The following AGAP1 variants were observed in gnomAD, a reference collection of about 807,000 sequenced individuals.
AGAP1 encodes ArfGAP with GTPase domain, ankyrin repeat and PH domain 1, also known as arf-GAP with GTPase, ANK repeat and PH domain-containing protein 1.
A neutral mutation model predicts 105.3 loss-of-function variants in AGAP1; 29 were observed. The observed-to-expected ratio is 0.28, with a 90% CI of 0.21 to 0.38. AGAP1 has a LOEUF of 0.38. AGAP1 is among the 10% of genes least tolerant of loss of function. The pLI, the probability that AGAP1 is intolerant of heterozygous loss-of-function variation, is 1.00. For missense variants in AGAP1, 998 were observed against 1,165.1 expected (o/e 0.86, Z 2.09); for synonymous variants, 509 against 485.9 (o/e 1.05, Z -0.63).
At chr2:235,798,775 G>A (rs542852508) in intron 7 of AGAP1, among the ~76,000 whole-genome samples, 1 of 151,786 alleles carries the variant, frequency 6.6e-6, no homozygotes, top group East Asian at 1.9e-4. Context: ...AGGCTGAGGT[G>A]GGGGGATCAC....
intron 9 of AGAP1, among the ~76,000 whole-genome samples, chr2:235,878,062 AC>A (rs2049834137): frequency 6.6e-6 from 1 of 152,116 alleles, no homozygotes; most frequent in East Asian, 1.9e-4. Flanking sequence ...GCCCGTGGAA[AC>A]CCGAGAGTGT....
intron 9 of AGAP1, among the ~76,000 whole-genome samples, chr2:235,814,154 C>G (rs371443455): frequency 2.0e-5 from 3 of 152,240 alleles, no homozygotes; most frequent in African/African-American, 7.2e-5. Context: ...AGTGTTTGGG[C>G]GCAAGAACTG....
rs1944823799 is a variant in AGAP1 at position 235,578,790 on chromosome 2, A to G, written c.163+83941A>G. On this transcript the variant is annotated intron_variant, in intron 1 of 17. Transcript: ENST00000304032. The surrounding 1 kb of genome is among the most constrained non-coding windows in gnomAD (Gnocchi z 4.9). ...ATACAGCGAGACTCAGTCTCAAAAA[A>G]AAAAAAAAAATTTTTTTTTTACAAT... 1.0e-5 allele frequency among the ~76,000 whole-genome samples: 1 copy of G among 99,468 alleles called. No homozygotes were observed. Among genetic ancestry groups the G allele is most frequent in the Non-Finnish European group, 2.2e-5 (1 of 45,608 alleles). 65.3% of individuals were successfully genotyped at this position (99,468 alleles called of 152,430 possible). A position where few individuals can be genotyped will look rare whatever the true frequency, so the allele number is the denominator to read the frequency against.
rs566542566 is a variant in AGAP1 at position 235,588,093 on chromosome 2, G to C, written c.163+93244G>C. ...AAAAATACAAAAATCAGTCGGGCAT[G>C]GTGGCACATGCCTGTAGTCCCAGCT... On this transcript the variant is annotated intron_variant, in intron 1 of 17. Transcript: ENST00000304032. Among the ~76,000 whole-genome samples the C allele has an allele frequency of 2.6e-5, 4 of 152,048 alleles. No individual in the cohort carries two copies. The South Asian group carries it at 8.3e-4, about 32-fold the overall frequency.
intron 16 of AGAP1, among the ~76,000 whole-genome samples, chr2:236,084,797 G>A (rs572429402): frequency 5.3e-5 from 8 of 151,278 alleles, no homozygotes; most frequent in South Asian, 4.2e-4. Context: ...CCAGCTATTC[G>A]GGAGGCTGAG....
chr2:235,596,698 G>A lies in AGAP1; in HGVS notation c.163+101849G>A, dbSNP rs1282372407. ...ACTTTTAGATAGAAGAGAAACCTCG[G>A]AGGTCAATCAGCTTTCACTCTTCCT... On this transcript the variant is annotated intron_variant, in intron 1 of 17. Transcript: ENST00000304032. This position sits in a 1 kb window ranked among gnomAD's most constrained non-coding sequence, Gnocchi z 5.9. Among the ~76,000 whole-genome samples, 1 of 152,242 alleles carries A rather than the reference G, an allele frequency of 6.6e-6. No homozygotes were observed. Among genetic ancestry groups the A allele is most frequent in the Non-Finnish European group, 1.5e-5 (1 of 68,046 alleles).
At chr2:236,107,789 G>T (rs1332111152) in intron 16 of AGAP1, among the ~76,000 whole-genome samples, 1 of 152,214 alleles carries the variant, frequency 6.6e-6, no homozygotes, top group South Asian at 2.1e-4. Context: ...GCCGCCTGGG[G>T]CCTGCACCTG....
chr2:235,537,384 G>A (rs112393307), intron 1 of AGAP1, among the ~76,000 whole-genome samples: 198 of 152,294 alleles, frequency 1.3e-3, no homozygotes, highest in African/African-American at 4.3e-3. Flanking sequence ...GAGGGCTGGC[G>A]TCAGCTCAGG....
intron 9 of AGAP1, among the ~76,000 whole-genome samples, chr2:235,827,282 C>T (rs1259014167): frequency 1.3e-5 from 2 of 152,188 alleles, no homozygotes; most frequent in Non-Finnish European, 2.9e-5. Flanking sequence ...ATTCTCCACG[C>T]AGACTCTCCT....
In AGAP1 at chr2:235,934,376, C is replaced by A. The variant is rs1339486806; in HGVS notation, c.1483+3453C>A. Among the ~76,000 whole-genome samples the A allele has an allele frequency of 6.6e-6, 1 of 152,192 alleles. No individual in the cohort carries two copies. The highest frequency in any genetic ancestry group is 2.4e-5 in the African/African-American group (1 of 41,454). ...TCAGGCTCCACCCAGGCCTGCTGGA[C>A]GCATCCTTGTCTGTCTGCGCCGAGG... On this transcript the variant is annotated intron_variant, in intron 12 of 17. Coordinates refer to ENST00000304032, the MANE Select transcript of AGAP1 (RefSeq NM_001037131.3). This position sits in a 1 kb window ranked among gnomAD's most constrained non-coding sequence, Gnocchi z 4.9.
At chr2:235,996,398 C>T (rs2055817554) in intron 13 of AGAP1, among the ~76,000 whole-genome samples, 1 of 152,236 alleles carries the variant, frequency 6.6e-6, no homozygotes, top group Non-Finnish European at 1.5e-5. Flanking sequence ...TACGCTCTGA[C>T]ACATAGTTAA....
rs1230339050 is a variant in AGAP1 at position 235,879,825 on chromosome 2, G to A, written c.1051-3520G>A. 1.3e-5 allele frequency among the ~76,000 whole-genome samples: 2 copies of A among 152,098 alleles called. No individual in the cohort carries two copies. The highest frequency in any genetic ancestry group is 2.9e-5 in the Non-Finnish European group (2 of 68,012). Reference sequence around the variant, plus strand: ...CATGTGTGTGTAGTCCTAGCTACTCGGAGGAGGCTGGCGCAGGAGAATTGC... The same window carrying A: ...CATGTGTGTGTAGTCCTAGCTACTCAGAGGAGGCTGGCGCAGGAGAATTGC... On this transcript the variant is annotated intron_variant, in intron 9 of 17. Coordinates refer to ENST00000304032, the MANE Select transcript of AGAP1 (RefSeq NM_001037131.3). The surrounding 1 kb of genome is among the most constrained non-coding windows in gnomAD (Gnocchi z 5.0).
intron 9 of AGAP1, 77 bp downstream of exon 9, chr2:235,807,408 C>T (rs745788370): frequency 7.5e-6 from 10 of 1,326,078 alleles, no homozygotes; most frequent in African/African-American, 4.5e-5. Flanking sequence ...TGCTGGCTCT[C>T]GCACCAAGGT....
At position 235,904,606 on chromosome 2, in the gene AGAP1, C is replaced by A. The variant is rs2051215177; in HGVS notation, c.1156-4132C>A. Among the ~76,000 whole-genome samples the A allele has an allele frequency of 6.6e-6, 1 of 152,152 alleles. No individual in the cohort carries two copies. The highest frequency in any genetic ancestry group is 1.5e-5 in the Non-Finnish European group (1 of 68,030). Reference sequence around the variant, plus strand: ...ACATGGAGAAGGGTAGTATCTGTAACATTTGCATATCAAAATCAAGCTTCC... The same window carrying A: ...ACATGGAGAAGGGTAGTATCTGTAAAATTTGCATATCAAAATCAAGCTTCC... On this transcript the variant is annotated intron_variant, in intron 10 of 17. Transcript: ENST00000304032. The surrounding 1 kb of genome is among the most constrained non-coding windows in gnomAD (Gnocchi z 4.2).
intron 1 of AGAP1, chr2:235,670,555 C>T: frequency 2.0e-6 from 1 of 490,176 alleles, no homozygotes. Flanking sequence ...TGCGGCGGAG[C>T]CTGAGCTTCA....
chr2:235,789,506 C>T lies in AGAP1; in HGVS notation c.674-8253C>T, dbSNP rs1204597637. ...AAGAATACAGACAAGAACTGAATTT[C>T]AGATTAAGAATTCAGACTTCAGTAC... On this transcript the variant is annotated intron_variant, in intron 6 of 17. Coordinates refer to ENST00000304032, the MANE Select transcript of AGAP1 (RefSeq NM_001037131.3). This position sits in a 1 kb window ranked among gnomAD's most constrained non-coding sequence, Gnocchi z 4.2. Among the ~76,000 whole-genome samples the T allele has an allele frequency of 6.6e-6, 1 of 152,084 alleles. No individual in the cohort carries two copies.
intron 1 of AGAP1, among the ~76,000 whole-genome samples, chr2:235,678,657 G>A (rs1384633838): frequency 6.6e-6 from 1 of 152,114 alleles, no homozygotes; most frequent in Non-Finnish European, 1.5e-5. Flanking sequence ...TCTTCTCTCA[G>A]GGGGTAGTTT....
In AGAP1 at chr2:235,993,163, T is replaced by C. The variant is rs975108446; in HGVS notation, c.1645+24540T>C. Among the ~76,000 whole-genome samples the C allele has an allele frequency of 6.6e-6, 1 of 152,200 alleles. No homozygotes were observed. The highest frequency in any genetic ancestry group is 2.4e-5 in the African/African-American group (1 of 41,448). On this transcript the variant is annotated intron_variant, in intron 13 of 17. Transcript: ENST00000304032. The surrounding 1 kb of genome is among the most constrained non-coding windows in gnomAD (Gnocchi z 5.0). ...TATATAGGATTCCCACAATTTGCAG[T>C]TGTACAGTTCAAACACCAAACTGTT...
In AGAP1 at chr2:235,715,077, G is replaced by A. The variant is rs141346129; in HGVS notation, c.223-2480G>A. On this transcript the variant is annotated intron_variant, in intron 2 of 17. Coordinates refer to ENST00000304032, the MANE Select transcript of AGAP1 (RefSeq NM_001037131.3). ...CCCCCAAAGTGCCGGGATTACAGGCGTGAGCCACCGTGCCCAGCCCTGTGT... is the reference window on the plus strand; with the variant it reads ...CCCCCAAAGTGCCGGGATTACAGGCATGAGCCACCGTGCCCAGCCCTGTGT... 8.4e-4 allele frequency among the ~76,000 whole-genome samples: 128 copies of A among 152,306 alleles called. 3 individuals carry two copies. The East Asian group carries it at 0.02, about 24-fold the overall frequency.
Sources: allele counts gnomAD v4.1 joint callset (sites outside exome capture counted in the v4.1 genomes callset), GRCh38; gene constraint gnomAD v4.1.1; non-coding constraint Gnocchi (gnomAD v3.1); transcripts MANE v1.5; gene names NCBI Gene and HGNC (gene_info 2026-07-23, HGNC 2026-07-21).